The following MSRB3 variants were observed in gnomAD, a reference collection of about 807,000 sequenced individuals.
MSRB3 encodes the protein methionine-R-sulfoxide reductase B3.
In MSRB3, 13 loss-of-function variants were observed where a neutral mutation model predicts 21.0. That is an observed-to-expected ratio of 0.62 (90% confidence interval 0.40 to 0.98). The LOEUF is 0.98. Among genes scored for constraint, MSRB3 ranks in the 50% least tolerant of loss-of-function variants. The probability of loss-of-function intolerance (pLI) is 0.00; values close to 1 mark genes in which losing one functional copy is unlikely to be tolerated. For missense variants in MSRB3, 199 were observed against 230.3 expected (o/e 0.86, Z 0.88); for synonymous variants, 87 against 88.6 (o/e 0.98, Z 0.10).
At chr12:65,371,778 T>C (rs1878341817) in intron 5 of MSRB3, among the ~76,000 whole-genome samples, 1 of 152,176 alleles carries the variant, frequency 6.6e-6, no homozygotes, top group African/African-American at 2.4e-5. Flanking sequence ...AAAGTTTCAT[T>C]TGTTGAATGT....
Position 65,331,585 on chromosome 12 carries a change from G to T in MSRB3, c.263+2982G>T, listed in dbSNP as rs144979154. Among the ~76,000 whole-genome samples, 1,034 of 152,306 alleles carry T rather than the reference G, an allele frequency of 6.8e-3. 42 individuals are homozygous for T. Among genetic ancestry groups the T allele is most frequent in the Admixed American group, 0.055 (836 of 15,306 alleles). ...GATGCTGGGGAAAGCTGTTTGCAGGGCATCTCAGTGGAGGCGCTCCACTAC... is the reference window on the plus strand; with the variant it reads ...GATGCTGGGGAAAGCTGTTTGCAGGTCATCTCAGTGGAGGCGCTCCACTAC... On this transcript the variant is annotated intron_variant, in intron 4 of 6. Coordinates refer to ENST00000308259, the MANE Select transcript of MSRB3 (RefSeq NM_001031679.3).
At chr12:65,346,501 G>C (rs1565845373) in intron 4 of MSRB3, among the ~76,000 whole-genome samples, 2 of 152,052 alleles carry the variant, frequency 1.3e-5, no homozygotes, top group Non-Finnish European at 2.9e-5. Flanking sequence ...TGTCAGATGA[G>C]TAGATTGCAA....
chr12:65,361,236 G>A (rs182864998), intron 4 of MSRB3, among the ~76,000 whole-genome samples: 6 of 152,066 alleles, frequency 3.9e-5, no homozygotes, highest in Non-Finnish European at 4.4e-5. Context: ...GTACTTTATG[G>A]TATCGTCTCA....
chr12:65,297,705 G>T (rs1873061118), intron 1 of MSRB3, among the ~76,000 whole-genome samples: 1 of 152,118 alleles, frequency 6.6e-6, no homozygotes, highest in African/African-American at 2.4e-5. Context: ...CCCCTGTCCT[G>T]TAGGTTCTAA....
At chr12:65,394,827 A>G (rs534132338) in intron 5 of MSRB3, among the ~76,000 whole-genome samples, 10 of 152,364 alleles carry the variant, frequency 6.6e-5, no homozygotes, top group African/African-American at 2.4e-4. Context: ...AGGTGATTGT[A>G]TCAGTAGACA....
chr12:65,310,415 A>G (rs1873919659), intron 2 of MSRB3, among the ~76,000 whole-genome samples: 1 of 152,240 alleles, frequency 6.6e-6, no homozygotes, highest in South Asian at 2.1e-4. Context: ...ACCTTGAGGG[A>G]GAACCTCAAC....
At chr12:65,440,642 T>G (rs1234150646) in intron 5 of MSRB3, among the ~76,000 whole-genome samples, 1 of 151,898 alleles carries the variant, frequency 6.6e-6, no homozygotes, top group Non-Finnish European at 1.5e-5. Context: ...TGACTAAGGC[T>G]TCCAAACTTT....
rs1565885205 is a variant in MSRB3, at chr12:65,422,432, T to TATATA, written c.293-31296_293-31295insATATA. Among the ~76,000 whole-genome samples, 118 of 64,284 alleles carry TATATA rather than the reference T, an allele frequency of 1.8e-3. 1 individual carries two copies. The highest frequency in any genetic ancestry group is 2.4e-3 in the South Asian group (4 of 1,652). The allele number at this position is 64,284 out of a possible 152,430, so 42.2% of individuals were successfully genotyped here. On this transcript the variant is annotated intron_variant, in intron 5 of 6. Coordinates refer to ENST00000308259, the MANE Select transcript of MSRB3 (RefSeq NM_001031679.3). Reference sequence around the variant, plus strand: ...TATATATATATATATATATATATATTTATTTATTTATTTATGGGGTATATG... The same window carrying TATATA: ...TATATATATATATATATATATATATTATATATATTTATTTATTTATGGGGTATATG...
intron 4 of MSRB3, among the ~76,000 whole-genome samples, chr12:65,368,420 T>C (rs1878133339): frequency 6.6e-6 from 1 of 152,178 alleles, no homozygotes; most frequent in Non-Finnish European, 1.5e-5. Flanking sequence ...TTGAGAGTAA[T>C]TACCTAACAG....
chr12:65,329,242 A>G (rs1258509867), intron 4 of MSRB3, among the ~76,000 whole-genome samples: 2 of 151,910 alleles, frequency 1.3e-5, no homozygotes, highest in African/African-American at 4.9e-5. Flanking sequence ...TTATTCAAGA[A>G]AGGGAAATCT....
intron 5 of MSRB3, among the ~76,000 whole-genome samples, chr12:65,428,793 T>C (rs1298262387): frequency 6.6e-6 from 1 of 152,186 alleles, no homozygotes; most frequent in African/African-American, 2.4e-5. Flanking sequence ...CAATTGGTAT[T>C]TTAGAAAACG....
intron 5 of MSRB3, among the ~76,000 whole-genome samples, chr12:65,443,238 G>A (rs1183276471): frequency 6.6e-6 from 1 of 152,040 alleles, no homozygotes; most frequent in Non-Finnish European, 1.5e-5. Context: ...GATACCAGAT[G>A]TTCACAGTGC....
At chr12:65,448,039 G>A (rs912358973) in intron 5 of MSRB3, among the ~76,000 whole-genome samples, 2 of 152,118 alleles carry the variant, frequency 1.3e-5, no homozygotes, top group African/African-American at 4.8e-5. Flanking sequence ...TTGCAGTAAG[G>A]ATTTGGCAGA....
intron 2 of MSRB3, among the ~76,000 whole-genome samples, chr12:65,317,490 A>G (rs1239544843): frequency 1.3e-5 from 2 of 152,196 alleles, no homozygotes; most frequent in Non-Finnish European, 2.9e-5. Flanking sequence ...CATGTCACCT[A>G]GATTTGCCTA....
intron 5 of MSRB3, among the ~76,000 whole-genome samples, chr12:65,452,565 G>C (rs937326255): frequency 6.6e-6 from 1 of 152,106 alleles, no homozygotes. Context: ...CTGGTGCTTT[G>C]TAGCAATTTT....
intron 5 of MSRB3, among the ~76,000 whole-genome samples, chr12:65,388,874 A>G (rs905826206): frequency 4.6e-5 from 7 of 152,298 alleles, no homozygotes; most frequent in Admixed American, 1.3e-4. Flanking sequence ...CTGTCAAAAG[A>G]AAAGAAGAGA....
chr12:65,380,604 G>C (rs533910151), intron 5 of MSRB3, among the ~76,000 whole-genome samples: 1 of 152,170 alleles, frequency 6.6e-6, no homozygotes, highest in South Asian at 2.1e-4. Context: ...ACTTAACTCT[G>C]TGGCCAATAA....
intron 5 of MSRB3, among the ~76,000 whole-genome samples, chr12:65,393,676 G>A (rs1038502322): frequency 2.0e-5 from 3 of 150,906 alleles, no homozygotes; most frequent in Non-Finnish European, 4.4e-5. Context: ...TTATTTTATG[G>A]TTTGTGTTTG....
intron 4 of MSRB3, among the ~76,000 whole-genome samples, chr12:65,338,985 G>A (rs1449719194): frequency 6.6e-6 from 1 of 152,168 alleles, no homozygotes; most frequent in Non-Finnish European, 1.5e-5. Context: ...GCTGAAGCAG[G>A]AGAATTGCTT....
Sources: allele counts gnomAD v4.1 joint callset (sites outside exome capture counted in the v4.1 genomes callset), GRCh38; gene constraint gnomAD v4.1.1; transcripts MANE v1.5; gene names NCBI Gene and HGNC (gene_info 2026-07-23, HGNC 2026-07-21).